Variants in PHACTR1 observed in about 807,000 individuals in gnomAD.
PHACTR1 encodes phosphatase and actin regulator 1, also known as RPEL repeat containing 1.
PHACTR1 carries 16 observed loss-of-function variants against 69.2 expected under a neutral mutation model. The observed-to-expected ratio is 0.23, with a 90% confidence interval of 0.16 to 0.35. The LOEUF is 0.35. Among genes scored for constraint, PHACTR1 ranks in the 10% least tolerant of loss-of-function variants. The pLI, the probability that PHACTR1 is intolerant of heterozygous loss-of-function variation, is 1.00. For missense variants in PHACTR1, 510 were observed against 734.7 expected, an observed-to-expected ratio of 0.69 and a Z score of 3.54; for synonymous variants, 312 against 284.5, an observed-to-expected ratio of 1.10 and a Z score of -0.97.
At chr6:12,836,949 C>G (rs1582008253) in intron 4 of PHACTR1, among the ~76,000 whole-genome samples, 1 of 152,126 alleles carries the variant, frequency 6.6e-6, no homozygotes, top group African/African-American at 2.4e-5. Context: ...CCCAACCAAT[C>G]AATGACCTCA....
intron 5 of PHACTR1, among the ~76,000 whole-genome samples, chr6:13,124,765 C>T (rs1819262714): frequency 6.6e-6 from 1 of 152,218 alleles, no homozygotes; most frequent in Non-Finnish European, 1.5e-5. Context: ...GGCTTGCAAA[C>T]AGCCGCCTTC....
chr6:13,197,546 T>C (rs551044112), intron 7 of PHACTR1, among the ~76,000 whole-genome samples: 1 of 152,244 alleles, frequency 6.6e-6, no homozygotes, highest in Admixed American at 6.5e-5. Flanking sequence ...GTTCCTTTTT[T>C]TTTTATTATT....
In PHACTR1 at chr6:12,774,910, T is replaced by A. The variant is rs560313659; in HGVS notation, c.250+25120T>A. On this transcript the variant is annotated intron_variant, in intron 4 of 14. Transcript: ENST00000332995. ...CATTTCCAAATAAAGTGAAGTAAGATGTTCCTATGAAGTTCCTGAGTCACT... is the reference window on the plus strand; with the variant it reads ...CATTTCCAAATAAAGTGAAGTAAGAAGTTCCTATGAAGTTCCTGAGTCACT... Among the ~76,000 whole-genome samples, 4 of 152,338 alleles carry A rather than the reference T, an allele frequency of 2.6e-5. No individual in the cohort carries two copies. In the South Asian group the frequency reaches 8.3e-4, roughly 32 times the overall value.
At chr6:12,957,545 G>A (rs946630232) in intron 4 of PHACTR1, 2 of 985,528 alleles carry the variant, frequency 2.0e-6, no homozygotes, top group South Asian at 9.4e-5. Flanking sequence ...CTCTGTGAAG[G>A]TAAGAGGCAG....
chr6:13,198,634 A>C (rs1160896842), intron 7 of PHACTR1, among the ~76,000 whole-genome samples: 1 of 151,590 alleles, frequency 6.6e-6, no homozygotes, highest in Non-Finnish European at 1.5e-5. Context: ...AAAAAAAAAA[A>C]CGAAAGAAAA....
intron 4 of PHACTR1, among the ~76,000 whole-genome samples, chr6:12,836,939 C>T (rs1582008202): frequency 6.6e-6 from 1 of 152,226 alleles, no homozygotes; most frequent in East Asian, 1.9e-4. Context: ...TCCCTCTTAC[C>T]CCAACCAATC....
At chr6:12,875,565 G>A (rs943354773) in intron 4 of PHACTR1, among the ~76,000 whole-genome samples, 2 of 152,076 alleles carry the variant, frequency 1.3e-5, no homozygotes, top group African/African-American at 4.8e-5. Context: ...TTATTATCTT[G>A]TTCTTGAAAG....
intron 5 of PHACTR1, among the ~76,000 whole-genome samples, chr6:13,156,827 C>T (rs1207863619): frequency 6.6e-6 from 1 of 152,116 alleles, no homozygotes. Flanking sequence ...CCTGCATATC[C>T]CTGTCCAAGC....
chr6:13,132,243 G>A (rs1820578997), intron 5 of PHACTR1, among the ~76,000 whole-genome samples: 1 of 152,088 alleles, frequency 6.6e-6, no homozygotes, highest in African/African-American at 2.4e-5. Flanking sequence ...CCTGGCTCAG[G>A]TCATCATGGA....
chr6:12,803,531 A>T (rs1773947438), intron 4 of PHACTR1, among the ~76,000 whole-genome samples: 1 of 152,222 alleles, frequency 6.6e-6, no homozygotes, highest in East Asian at 1.9e-4. Context: ...CTTACACTAT[A>T]CTTCTTGCAC....
chr6:12,870,403 T>C (rs1356429076), intron 4 of PHACTR1, among the ~76,000 whole-genome samples: 1 of 152,208 alleles, frequency 6.6e-6, no homozygotes, highest in East Asian at 1.9e-4. Flanking sequence ...AATGTATGAT[T>C]ACATGTTTCA....
intron 5 of PHACTR1, among the ~76,000 whole-genome samples, chr6:13,084,446 C>CATTATATGTATATAATGGTATATATACAT (rs1457875794): frequency 6.6e-6 from 1 of 150,936 alleles, no homozygotes; most frequent in Non-Finnish European, 1.5e-5. Context: ...ATGGGTGCAG[C>CATTATATGTATATAATGGTATATATACAT]ATACCAACCT....
intron 4 of PHACTR1, among the ~76,000 whole-genome samples, chr6:12,903,216 T>G (rs1391067076): frequency 1.3e-5 from 2 of 152,140 alleles, no homozygotes; most frequent in Non-Finnish European, 2.9e-5. Flanking sequence ...CAAGGGTTCC[T>G]GAGAGGATCA....
chr6:12,940,226 A>AT (rs1222270274), intron 4 of PHACTR1, among the ~76,000 whole-genome samples: 10 of 152,216 alleles, frequency 6.6e-5, no homozygotes, highest in Admixed American at 1.3e-4. Flanking sequence ...TTAGGGAATG[A>AT]TTTTTGGTAC....
chr6:13,253,082 C>T (rs1403811375), intron 10 of PHACTR1: 1 of 453,510 alleles, frequency 2.2e-6, no homozygotes, highest in Non-Finnish European at 4.4e-6. Context: ...GGGAAAGGAT[C>T]GGGATTCCTG....
intron 5 of PHACTR1, among the ~76,000 whole-genome samples, chr6:13,135,618 C>T (rs1821428656): frequency 6.6e-6 from 1 of 152,310 alleles, no homozygotes; most frequent in South Asian, 2.1e-4. Context: ...CAGCTGTGAC[C>T]TTAAAATTCA....
At chr6:12,916,420 T>C (rs1261809005) in intron 4 of PHACTR1, among the ~76,000 whole-genome samples, 2 of 152,228 alleles carry the variant, frequency 1.3e-5, no homozygotes, top group Non-Finnish European at 2.9e-5. Context: ...TTAAAATCTT[T>C]CCAGCCAGCT....
chr6:13,131,196 T>C (rs78961709), intron 5 of PHACTR1, among the ~76,000 whole-genome samples: 79,753 of 139,690 alleles, frequency 0.57, 21,885 homozygotes, highest in East Asian at 0.74. Context: ...CACACACATA[T>C]ATATATACAC....
intron 4 of PHACTR1, among the ~76,000 whole-genome samples, chr6:12,883,771 G>A (rs761295417): frequency 2.0e-5 from 3 of 152,202 alleles, no homozygotes; most frequent in Admixed American, 1.3e-4. Context: ...CTCACATCCC[G>A]TTCTTTATCT....
Sources: gnomAD v4.1 joint callset for allele counts (sites outside exome capture counted in the v4.1 genomes callset) on GRCh38, gnomAD v4.1.1 for gene constraint, MANE v1.5 for transcripts, NCBI Gene and HGNC (gene_info 2026-07-23, HGNC 2026-07-21) for gene names.